The following CHST8 variants were observed in gnomAD, a reference collection of about 807,000 sequenced individuals.
CHST8 encodes GALNAC-4-ST1.
In CHST8, 10 loss-of-function variants were observed where a neutral mutation model predicts 15.0. That is an observed-to-expected ratio of 0.67 (90% CI 0.41 to 1.13). CHST8 has a LOEUF of 1.13. CHST8 is among the 50% of genes most tolerant of loss of function. The pLI is 0.00. For synonymous variants in CHST8, 259 were observed against 256.6 expected, an observed-to-expected ratio of 1.01 and a Z score of -0.09; for missense variants, 634 against 608.2, an observed-to-expected ratio of 1.04 and a Z score of -0.45.
chr19:33,731,158 ACT>A (rs1449779610), intron 3 of CHST8, among the ~76,000 whole-genome samples: 1 of 152,244 alleles, frequency 6.6e-6, no homozygotes, highest in Non-Finnish European at 1.5e-5. Context: ...TCAAGTTGAC[ACT>A]CAATAGTAAT....
At chr19:33,639,437 G>A (rs1056973532) in intron 1 of CHST8, among the ~76,000 whole-genome samples, 5 of 152,148 alleles carry the variant, frequency 3.3e-5, no homozygotes, top group African/African-American at 7.2e-5. Context: ...TCTCAGCATC[G>A]GGGCAGCCTT....
At chr19:33,743,460 C>A (rs1024902858) in intron 3 of CHST8, among the ~76,000 whole-genome samples, 4 of 152,046 alleles carry the variant, frequency 2.6e-5, no homozygotes, top group Non-Finnish European at 5.9e-5. Context: ...CACCACCTCG[C>A]CCGGCTAATT....
At position 33,772,241 on chromosome 19, in the gene CHST8, G is replaced by A. The variant is rs1278816539; in HGVS notation, c.453G>A (p.Arg151=). The A allele has an allele frequency of 6.3e-7, 1 of 1,598,376 alleles. No individual in the cohort carries two copies. Among genetic ancestry groups the A allele is most frequent in the South Asian group, 1.1e-5 (1 of 90,470 alleles). Residue 151 remains arginine (R), a synonymous_variant, in exon 5 of 5, where the codon CGG becomes CGA. Coordinates refer to ENST00000650847, the MANE Select transcript of CHST8 (RefSeq NM_001127895.2). The stretch of plus-strand genomic sequence containing the variant: ...ATGGCCGCTGGGTCAGCCTGCACCG[G>A]AGCCAGCAGGAGCGCAAGCGGGTGA... The part of the protein sequence containing the change: ...TLDGRWVSLH[R]SQQERKRVMQ...
chr19:33,772,879 C>T lies in CHST8; in HGVS notation c.1091C>T (p.Ala364Val). 1 of 1,613,512 alleles carries T rather than the reference C, an allele frequency of 6.2e-7. No individual in the cohort carries two copies. Among genetic ancestry groups the T allele is most frequent in the Non-Finnish European group, 8.5e-7 (1 of 1,180,036 alleles). The change falls in exon 5 of 5, where the codon GCG becomes GTG. Residue 364 changes from alanine (A) to valine (V), a missense_variant. By Grantham distance (64) the Ala-to-Val change is moderately conservative (BLOSUM62 0). Transcript: ENST00000650847. ...DANFFLSLIR[A>V]PRNLTFPRFK... ...AACTTCTTCCTGAGCCTCATCCGCG[C>T]GCCGCGGAACCTGACCTTCCCCCGG... is the stretch of plus-strand genomic sequence containing the variant.
At chr19:33,647,137 G>A (rs968721436) in intron 1 of CHST8, among the ~76,000 whole-genome samples, 3 of 152,288 alleles carry the variant, frequency 2.0e-5, no homozygotes, top group African/African-American at 7.2e-5. Context: ...AGTTTCTAAA[G>A]CCTGAAGACT....
intron 1 of CHST8, among the ~76,000 whole-genome samples, chr19:33,648,096 G>C (rs1381594400): frequency 6.6e-6 from 1 of 152,086 alleles, no homozygotes; most frequent in Non-Finnish European, 1.5e-5. Flanking sequence ...TGGGGGATTG[G>C]CCATAGGTAG....
At chr19:33,646,333 G>T (rs1181007451) in intron 1 of CHST8, among the ~76,000 whole-genome samples, 3 of 152,106 alleles carry the variant, frequency 2.0e-5, no homozygotes, top group African/African-American at 7.2e-5. Context: ...CATTTATTGT[G>T]CTATGACAGT....
chr19:33,723,248 G>A (rs1973835155), intron 3 of CHST8, among the ~76,000 whole-genome samples: 1 of 152,228 alleles, frequency 6.6e-6, no homozygotes, highest in South Asian at 2.1e-4. Context: ...GTTTGAGAAT[G>A]TGCATGACTG....
chr19:33,673,976 A>T (rs1393665364), intron 2 of CHST8, among the ~76,000 whole-genome samples: 1 of 151,914 alleles, frequency 6.6e-6, no homozygotes, highest in Non-Finnish European at 1.5e-5. Flanking sequence ...CTGGTCCTGG[A>T]CTCCTGACCT....
chr19:33,703,080 A>G (rs1973376072), intron 3 of CHST8, among the ~76,000 whole-genome samples: 1 of 152,182 alleles, frequency 6.6e-6, no homozygotes, highest in Non-Finnish European at 1.5e-5. Context: ...CGCACAGCCC[A>G]GGGCAGCTGC....
At chr19:33,691,178 G>A (rs1335227017) in intron 3 of CHST8, among the ~76,000 whole-genome samples, 2 of 152,224 alleles carry the variant, frequency 1.3e-5, no homozygotes, top group Non-Finnish European at 2.9e-5. Flanking sequence ...GTGCACATAC[G>A]TGTGGATTAC....
At chr19:33,674,507 C>T (rs1972784944) in intron 2 of CHST8, among the ~76,000 whole-genome samples, 1 of 152,238 alleles carries the variant, frequency 6.6e-6, no homozygotes, top group South Asian at 2.1e-4. Flanking sequence ...CAGCACTTCT[C>T]CTCAGCCCCA....
intron 1 of CHST8, among the ~76,000 whole-genome samples, chr19:33,653,816 G>C (rs542579896): frequency 6.6e-6 from 1 of 152,254 alleles, no homozygotes; most frequent in South Asian, 2.1e-4. Context: ...ATGGATACTG[G>C]CACATGGTCA....
At chr19:33,771,004 G>A (rs1048247586) in intron 3 of CHST8, among the ~76,000 whole-genome samples, 1 of 152,170 alleles carries the variant, frequency 6.6e-6, no homozygotes, top group Non-Finnish European at 1.5e-5. Flanking sequence ...TGTGGAGAGA[G>A]AGTGGATCGA....
chr19:33,676,746 A>G (rs1191758692), intron 2 of CHST8, among the ~76,000 whole-genome samples: 7 of 151,492 alleles, frequency 4.6e-5, no homozygotes, highest in Non-Finnish European at 1.0e-4. Flanking sequence ...GTGTTATAGC[A>G]TGTACCTGTG....
intron 3 of CHST8, among the ~76,000 whole-genome samples, chr19:33,752,501 C>T (rs554819049): frequency 1.3e-5 from 2 of 152,096 alleles, no homozygotes; most frequent in East Asian, 1.9e-4. Context: ...ATATCTGAAC[C>T]GATTCGTATT....
chr19:33,643,032 T>G (rs571529969), intron 1 of CHST8, among the ~76,000 whole-genome samples: 1 of 152,342 alleles, frequency 6.6e-6, no homozygotes, highest in Non-Finnish European at 1.5e-5. Flanking sequence ...GTTTTTGTTT[T>G]TCAATTTTAA....
At chr19:33,735,667 A>G (rs1407068588) in intron 3 of CHST8, among the ~76,000 whole-genome samples, 1 of 152,214 alleles carries the variant, frequency 6.6e-6, no homozygotes, top group Non-Finnish European at 1.5e-5. Context: ...TGTCCACTGA[A>G]AATACAAAAA....
intron 3 of CHST8, among the ~76,000 whole-genome samples, chr19:33,737,161 A>G (rs954359678): frequency 7.2e-5 from 11 of 152,238 alleles, no homozygotes; most frequent in African/African-American, 2.7e-4. Context: ...GTTATTTAGC[A>G]TGTAGTCAAA....
Sources: allele counts gnomAD v4.1 joint callset (sites outside exome capture counted in the v4.1 genomes callset), GRCh38; gene constraint gnomAD v4.1.1; transcripts MANE v1.5; gene names NCBI Gene and HGNC (gene_info 2026-07-23, HGNC 2026-07-21).